WDR20: variants seen among roughly 807,000 people sequenced by gnomAD.
WDR20 encodes WD repeat domain 20.
Under a neutral mutation model 38.7 loss-of-function variants are expected in WDR20, and 3 were observed. That is an observed-to-expected ratio of 0.08 (90% CI 0.04 to 0.20). The LOEUF is 0.20. Ranked by LOEUF, WDR20 falls within the 10% of genes least tolerant of loss-of-function variation. The pLI is 1.00. For missense variants in WDR20, 559 were observed against 727.7 expected (o/e 0.77, Z 2.67); for synonymous variants, 298 against 285.6 (o/e 1.04, Z -0.44).
At chr14:102,200,622 G>A (rs992746238) in intron 2 of WDR20, among the ~76,000 whole-genome samples, 3 of 152,126 alleles carry the variant, frequency 2.0e-5, no homozygotes, top group Non-Finnish European at 4.4e-5. Flanking sequence ...CTTGTTGTCT[G>A]TGTAAAAATC....
downstream of WDR20, among the ~76,000 whole-genome samples, chr14:102,211,938 G>A (rs568932918): frequency 2.6e-5 from 4 of 152,298 alleles, no homozygotes; most frequent in Non-Finnish European, 5.9e-5. This position sits in a 1 kb window ranked among gnomAD's most constrained non-coding sequence, Gnocchi z 4.2. Flanking sequence ...CAGGGAAGCC[G>A]TGGGGGTGTG....
intron 1 of WDR20, among the ~76,000 whole-genome samples, chr14:102,147,946 G>A (rs1208343127): frequency 6.6e-6 from 1 of 152,172 alleles, no homozygotes; most frequent in African/African-American, 2.4e-5. Flanking sequence ...GGCCAGGCTG[G>A]CCTTGAACTC....
At chr14:102,200,466 TTTGTGTGTGTGTGTGTGTGTG>T (rs747247091) in intron 2 of WDR20, among the ~76,000 whole-genome samples, 3 of 106,020 alleles carry the variant, frequency 2.8e-5, no homozygotes, top group African/African-American at 1.3e-4. Flanking sequence ...AATTTTTTTT[TTTGTGTGTGTGTGTGTGTGTG>T]TGTGTGTGTG....
At chr14:102,156,929 T>G (rs190317658) in intron 1 of WDR20, among the ~76,000 whole-genome samples, 8 of 152,116 alleles carry the variant, frequency 5.3e-5, no homozygotes, top group African/African-American at 1.9e-4. Flanking sequence ...AGGCGGAGGT[T>G]GAGTGAGCGG....
At chr14:102,186,553 G>A (rs1370117809) in intron 1 of WDR20, among the ~76,000 whole-genome samples, 1 of 151,688 alleles carries the variant, frequency 6.6e-6, no homozygotes, top group African/African-American at 2.4e-5. Flanking sequence ...ACCCCCCTCC[G>A]GTTTCACCAG....
chr14:102,203,446 T>C (rs558324093), intron 2 of WDR20, among the ~76,000 whole-genome samples: 1 of 152,204 alleles, frequency 6.6e-6, no homozygotes, highest in Non-Finnish European at 1.5e-5. Context: ...AGACCAGTGC[T>C]GCGGGACTGG....
Position 102,172,343 on chromosome 14 carries a change from A to G in WDR20, c.250-22595A>G, listed in dbSNP as rs912945602. On this transcript the variant is annotated intron_variant, in intron 1 of 2. Transcript: ENST00000342702. ...GACACAGCAACCATCCGATTTCTCA[A>G]TCTTTTCCCCACCTTTCCCCGCTTT... is the stretch of plus-strand genomic sequence containing the variant. 2.1e-4 allele frequency among the ~76,000 whole-genome samples: 31 copies of G among 150,954 alleles called. 1 individual carries two copies. Among genetic ancestry groups the G allele is most frequent in the African/African-American group, 6.7e-4 (28 of 41,484 alleles).
intron 2 of WDR20, among the ~76,000 whole-genome samples, chr14:102,205,260 C>CA (rs574170540): frequency 0.14 from 16,704 of 116,558 alleles, 1,573 homozygotes; most frequent in African/African-American, 0.31. Flanking sequence ...GACCCTGTCT[C>CA]AAAAAAAAAA....
At chr14:102,145,845 T>C (rs529317836) in intron 1 of WDR20, among the ~76,000 whole-genome samples, 1 of 152,276 alleles carries the variant, frequency 6.6e-6, no homozygotes, top group East Asian at 1.9e-4. Flanking sequence ...AGAACCTTCC[T>C]ACCTTCCCAC....
At chr14:102,200,467 T>TTGTGTGTGTGTGTGTGTGTGTG (rs71395660) in intron 2 of WDR20, among the ~76,000 whole-genome samples, 1 of 117,688 alleles carries the variant, frequency 8.5e-6, no homozygotes, top group African/African-American at 3.1e-5. Context: ...ATTTTTTTTT[T>TTGTGTGTGTGTGTGTGTGTGTG]TGTGTGTGTG....
chr14:102,139,707 C>G, upstream of WDR20: 1 of 724,192 alleles, frequency 1.4e-6, no homozygotes, highest in South Asian at 1.9e-5. Context: ...CCTGCGGACG[C>G]CCAGTCGGGT....
chr14:102,139,423 AC>A, upstream of WDR20: 3 of 1,526,756 alleles, frequency 2.0e-6, no homozygotes, highest in Non-Finnish European at 2.6e-6. Flanking sequence ...CCCGTAGGGT[AC>A]CCCGCGTGCT....
In WDR20 at chr14:102,220,784, A is replaced by AT. The variant is rs1193259941; in HGVS notation, c.1693-2040dup. ...ACTTGTTTTTATTATCTATCTTTTC[A>AT]TTTTTTGAGACAGGGTCTTGCTCTA... is the stretch of plus-strand genomic sequence containing the variant. On this transcript the variant is annotated intron_variant, in intron 3 of 3. Transcript: ENST00000335263. This position sits in a 1 kb window ranked among gnomAD's most constrained non-coding sequence, Gnocchi z 4.2. Among the ~76,000 whole-genome samples the AT allele has an allele frequency of 6.6e-6, 1 of 151,312 alleles. No homozygotes were observed. Among genetic ancestry groups the AT allele is most frequent in the Non-Finnish European group, 1.5e-5 (1 of 67,886 alleles).
chr14:102,210,053 T>C lies in WDR20; in HGVS notation c.*173T>C, dbSNP rs1378350930. ...TGTAATTCTGAATCATTTGATAATT[T>C]ACCTTAGAGCATTTAAAAAAATATA... On this transcript the variant is annotated 3_prime_UTR_variant, in exon 3 of 3. Transcript: ENST00000342702. 2.9e-6 allele frequency: 4 copies of C among 1,398,288 alleles called. No homozygotes were observed. The East Asian group carries it at 1.0e-4, about 36-fold the overall frequency. The allele number at this position is 1,398,288 out of a possible 1,614,324, so 86.6% of individuals were successfully genotyped here.
intron 1 of WDR20, among the ~76,000 whole-genome samples, chr14:102,158,673 ACTT>A (rs774167171): frequency 5.3e-5 from 8 of 152,112 alleles, no homozygotes; most frequent in African/African-American, 1.2e-4. Context: ...TGATGACTGT[ACTT>A]CTTATTTCAC....
chr14:102,195,408 T>C (rs1328567102), intron 2 of WDR20, among the ~76,000 whole-genome samples: 2 of 152,222 alleles, frequency 1.3e-5, no homozygotes, highest in Non-Finnish European at 2.9e-5. Flanking sequence ...TAACTCGGTA[T>C]TTATAATTTA....
intron 1 of WDR20, among the ~76,000 whole-genome samples, chr14:102,179,700 C>T (rs917523340): frequency 2.0e-5 from 3 of 151,394 alleles, no homozygotes; most frequent in Non-Finnish European, 4.4e-5. Flanking sequence ...TTTTCAAATC[C>T]CTCCCCTCAT....
chr14:102,178,066 TG>T (rs2152861668), intron 1 of WDR20, among the ~76,000 whole-genome samples: 1 of 152,090 alleles, frequency 6.6e-6, no homozygotes, highest in Non-Finnish European at 1.5e-5. Context: ...TTTTGTAGGG[TG>T]GTGGAGTTTG....
downstream of WDR20, chr14:102,224,821 T>C (rs1425723628): frequency 8.8e-6 from 4 of 455,802 alleles, no homozygotes; most frequent in Non-Finnish European, 1.8e-5. Context: ...TAAAAGACAC[T>C]AAGACTTGCT....
Sources: allele counts gnomAD v4.1 joint callset (sites outside exome capture counted in the v4.1 genomes callset), GRCh38; gene constraint gnomAD v4.1.1; non-coding constraint Gnocchi (gnomAD v3.1); transcripts MANE v1.5; gene names NCBI Gene and HGNC (gene_info 2026-07-23, HGNC 2026-07-21).